KIF6: variants seen among roughly 807,000 people sequenced by gnomAD.
The protein encoded by KIF6 is kinesin family member 6.
A neutral mutation model predicts 112.7 loss-of-function variants in KIF6; 106 were observed. The ratio of observed to expected loss-of-function variants is 0.94; its 90% CI spans 0.80 to 1.11. The LOEUF is 1.11. Ranked by LOEUF, KIF6 falls within the 50% of genes least tolerant of loss-of-function variation. The pLI is 0.00. For synonymous variants in KIF6, 339 were observed against 339.9 expected, an observed-to-expected ratio of 1.00 and a Z score of 0.03; for missense variants, 929 against 964.0, an observed-to-expected ratio of 0.96 and a Z score of 0.48.
At chr6:39,351,073 G>A (rs1340024134) in intron 19 of KIF6, among the ~76,000 whole-genome samples, 1 of 152,296 alleles carries the variant, frequency 6.6e-6, no homozygotes, top group African/African-American at 2.4e-5. Flanking sequence ...AGTCACCGAA[G>A]GGGCTTGGGG....
In KIF6 at chr6:39,596,152, C is replaced by T. The variant is rs751660647; in HGVS notation, c.748G>A (p.Asp250Asn). The T allele has an allele frequency of 5.6e-6, 9 of 1,613,908 alleles. No individual in the cohort carries two copies. The highest frequency in any genetic ancestry group is 6.8e-6 in the Non-Finnish European group (8 of 1,179,978). Reference sequence around the variant, plus strand: ...GCAACTCGCTCTGAACCAGCCAGGTCAACCAGATGGAGTTTGGCATGTCGT... The same window carrying T: ...GCAACTCGCTCTGAACCAGCCAGGTTAACCAGATGGAGTTTGGCATGTCGT... ...TVRHAKLHLV[D>N]LAGSERVAKT... The change falls in exon 7 of 23, where the codon GAC becomes AAC. Residue 250 changes from aspartate (D) to asparagine (N), a missense_variant. Coordinates refer to ENST00000287152, the MANE Select transcript of KIF6 (RefSeq NM_145027.6).
chr6:39,462,199 A>G (rs1357176324), intron 13 of KIF6, among the ~76,000 whole-genome samples: 1 of 152,146 alleles, frequency 6.6e-6, no homozygotes, highest in Non-Finnish European at 1.5e-5. Context: ...GAACGTTTGG[A>G]GGGGTATTCT....
chr6:39,689,370 C>T (rs1478633657), intron 3 of KIF6, among the ~76,000 whole-genome samples: 1 of 151,872 alleles, frequency 6.6e-6, no homozygotes, highest in Admixed American at 6.6e-5. Flanking sequence ...GTGGTGCGTG[C>T]CTGTGGTCCC....
rs1240891792 is a variant in KIF6 at position 39,346,139 on chromosome 6, C to G, written c.2231+337G>C. Among the ~76,000 whole-genome samples, 103 of 130,548 alleles carry G rather than the reference C, an allele frequency of 7.9e-4. 1 individual carries two copies. Among genetic ancestry groups the G allele is most frequent in the Non-Finnish European group, 1.6e-3 (96 of 61,892 alleles). 85.6% of individuals were successfully genotyped at this position (130,548 alleles called of 152,430 possible). ...TCCCTCTCCCTCCCTCTCCCTCTCT[C>G]TCTCTCTCTCTCTCTCTCTCTCTTT... is the stretch of plus-strand genomic sequence containing the variant. On this transcript the variant is annotated intron_variant, in intron 20 of 22. Transcript: ENST00000287152.
At chr6:39,567,291 A>C (rs1466392787) in intron 10 of KIF6, among the ~76,000 whole-genome samples, 2 of 152,190 alleles carry the variant, frequency 1.3e-5, no homozygotes, top group Admixed American at 1.3e-4. Context: ...TCTCACACAA[A>C]AGATGAGTAA....
intron 3 of KIF6, among the ~76,000 whole-genome samples, chr6:39,682,373 A>G (rs302564): frequency 0.89 from 136,086 of 152,156 alleles, 61,258 homozygotes; most frequent in East Asian, 0.97. Context: ...TACTGAATAC[A>G]GTAGGCAACT....
Position 39,720,721 on chromosome 6 carries a change from G to A in KIF6, c.157C>T (p.Arg53Ter), listed in dbSNP as rs779850629. The A allele has an allele frequency of 4.8e-5, 76 of 1,591,424 alleles. No homozygotes were observed. Among genetic ancestry groups the A allele is most frequent in the South Asian group, 2.1e-4 (19 of 90,374 alleles). ...ACTTACTTAAATTTGTAGCTTTCTCGCTTATTATTCACAAACCCATCTGCC... is the reference window on the plus strand; with the variant it reads ...ACTTACTTAAATTTGTAGCTTTCTCACTTATTATTCACAAACCCATCTGCC... ...DLADGFVNNK[R>*]ESYKFKFQRI... is the part of the protein sequence containing the mutation. Residue 53 changes from arginine to a stop codon, truncating the protein, a stop_gained, in exon 2 of 23, where the codon CGA becomes TGA. Coordinates refer to ENST00000287152, the MANE Select transcript of KIF6 (RefSeq NM_145027.6). LOFTEE classifies it high-confidence loss of function.
chr6:39,552,438 A>G (rs559337230), intron 10 of KIF6, among the ~76,000 whole-genome samples: 17 of 152,362 alleles, frequency 1.1e-4, no homozygotes, highest in African/African-American at 3.8e-4. Flanking sequence ...ACTCTTTCAC[A>G]GATGGGAATA....
At chr6:39,525,725 T>G (rs1425543091) in intron 13 of KIF6, among the ~76,000 whole-genome samples, 1 of 151,960 alleles carries the variant, frequency 6.6e-6, no homozygotes, top group Non-Finnish European at 1.5e-5. Flanking sequence ...CTGGGAGGCG[T>G]AAGTTGCAGT....
intron 14 of KIF6, among the ~76,000 whole-genome samples, chr6:39,420,747 C>G (rs1432189610): frequency 6.6e-6 from 1 of 152,086 alleles, no homozygotes; most frequent in Admixed American, 6.6e-5. Context: ...TTTATAGAGC[C>G]AGTTTTTATA....
At chr6:39,479,327 A>G (rs961022692) in intron 13 of KIF6, among the ~76,000 whole-genome samples, 1 of 152,260 alleles carries the variant, frequency 6.6e-6, no homozygotes, top group East Asian at 1.9e-4. Context: ...GTGGCTTGCC[A>G]ATTATTCCAG....
intron 5 of KIF6, among the ~76,000 whole-genome samples, chr6:39,632,306 A>G (rs1784396511): frequency 6.6e-6 from 1 of 152,210 alleles, no homozygotes; most frequent in African/African-American, 2.4e-5. Context: ...CAGCACCAAC[A>G]TGACCCTGAG....
At chr6:39,501,302 A>G (rs2150492438) in intron 13 of KIF6, among the ~76,000 whole-genome samples, 1 of 152,250 alleles carries the variant, frequency 6.6e-6, no homozygotes, top group Middle Eastern at 3.4e-3. Flanking sequence ...AATAACAACA[A>G]ATCACAAAAA....
chr6:39,387,790 C>T (rs924454235), intron 15 of KIF6, among the ~76,000 whole-genome samples: 17 of 152,176 alleles, frequency 1.1e-4, no homozygotes, highest in African/African-American at 4.1e-4. Context: ...CTGCATCAAA[C>T]ACTGCTGAAT....
chr6:39,430,760 A>C (rs944602990), intron 14 of KIF6, among the ~76,000 whole-genome samples: 2 of 152,224 alleles, frequency 1.3e-5, no homozygotes, highest in African/African-American at 4.8e-5. Context: ...ACATGGATAG[A>C]GTACAGGCTG....
intron 13 of KIF6, among the ~76,000 whole-genome samples, chr6:39,500,278 A>G (rs1776046569): frequency 6.6e-6 from 1 of 152,234 alleles, no homozygotes; most frequent in Admixed American, 6.5e-5. Flanking sequence ...AGAATACAAG[A>G]GAGAAATTAT....
intron 18 of KIF6, among the ~76,000 whole-genome samples, chr6:39,358,483 T>G (rs554016903): frequency 1.8e-4 from 28 of 152,368 alleles, no homozygotes; most frequent in African/African-American, 6.3e-4. Context: ...GCTGACACCC[T>G]TGCCTACTCT....
chr6:39,633,521 G>A (rs550013689), intron 5 of KIF6, among the ~76,000 whole-genome samples: 6 of 152,286 alleles, frequency 3.9e-5, no homozygotes, highest in Admixed American at 2.6e-4. Flanking sequence ...AAAGACTGGT[G>A]ACCTTCACAG....
At position 39,469,512 on chromosome 6, in the gene KIF6, T is replaced by C. The variant is rs181708326; in HGVS notation, c.1646-38351A>G. On this transcript the variant is annotated intron_variant, in intron 13 of 22. Coordinates refer to ENST00000287152, the MANE Select transcript of KIF6 (RefSeq NM_145027.6). ...CATAAGAAAGCTAAACAGGCTATGT[T>C]ATTAGACAAAGTAGACTTTAAAACA... is the stretch of plus-strand genomic sequence containing the variant. 2.9e-3 allele frequency among the ~76,000 whole-genome samples: 435 copies of C among 152,268 alleles called. 2 individuals carry two copies. The highest frequency in any genetic ancestry group is 4.6e-3 in the Admixed American group (70 of 15,296).
Sources: allele counts gnomAD v4.1 joint callset (sites outside exome capture counted in the v4.1 genomes callset), GRCh38; gene constraint gnomAD v4.1.1; transcripts MANE v1.5; gene names NCBI Gene and HGNC (gene_info 2026-07-23, HGNC 2026-07-21).